DPP10: variants seen among roughly 807,000 people sequenced by gnomAD.
DPP10 encodes inactive dipeptidyl peptidase 10.
A neutral mutation model predicts 120.9 loss-of-function variants in DPP10; 33 were observed. The ratio of observed to expected loss-of-function variants is 0.27; its 90% CI spans 0.21 to 0.37. The LOEUF is 0.37. Ranked by LOEUF, DPP10 falls within the 10% of genes least tolerant of loss-of-function variation. The pLI, the probability that DPP10 is intolerant of heterozygous loss-of-function variation, is 1.00. For synonymous variants in DPP10, 337 were observed against 326.1 expected (o/e 1.03, Z -0.36); for missense variants, 816 against 942.8 (o/e 0.87, Z 1.76).
chr2:115,784,422 G>A (rs1336617467), intron 17 of DPP10, among the ~76,000 whole-genome samples: 1 of 152,054 alleles, frequency 6.6e-6, no homozygotes. Context: ...AGAAACTACT[G>A]CCATGTAATT....
At chr2:114,852,905 C>G (rs1026801025) in intron 1 of DPP10, among the ~76,000 whole-genome samples, 66 of 152,180 alleles carry the variant, frequency 4.3e-4, no homozygotes, top group African/African-American at 1.6e-3. Flanking sequence ...CTTCATACTA[C>G]TTCCAAGAAG....
chr2:114,937,404 G>A (rs927746352), intron 1 of DPP10, among the ~76,000 whole-genome samples: 9 of 152,036 alleles, frequency 5.9e-5, no homozygotes, highest in East Asian at 5.8e-4. Flanking sequence ...GTAAGTATTC[G>A]GCTTTATTTC....
At chr2:115,381,843 G>T (rs188614510) in intron 3 of DPP10, among the ~76,000 whole-genome samples, 18 of 150,106 alleles carry the variant, frequency 1.2e-4, no homozygotes, top group African/African-American at 2.0e-4. Context: ...CTGCTGGGGG[G>T]TGCCTCCCAG....
At chr2:115,835,119 G>C (rs987804078) in intron 21 of DPP10, among the ~76,000 whole-genome samples, 7 of 150,652 alleles carry the variant, frequency 4.6e-5, no homozygotes, top group East Asian at 3.9e-4. Context: ...CTGGACCACA[G>C]AGCAAGACTC....
At chr2:115,056,290 G>A (rs1363500375) in intron 1 of DPP10, among the ~76,000 whole-genome samples, 1 of 152,152 alleles carries the variant, frequency 6.6e-6, no homozygotes, top group African/African-American at 2.4e-5. Flanking sequence ...TAGACCCAGA[G>A]TCATTGAGGT....
chr2:115,164,336 A>G (rs181147098), intron 1 of DPP10, among the ~76,000 whole-genome samples: 5 of 152,144 alleles, frequency 3.3e-5, no homozygotes. Flanking sequence ...TTTATTAGCC[A>G]TATTAGTCAT....
intron 1 of DPP10, among the ~76,000 whole-genome samples, chr2:114,971,322 T>C (rs1325965888): frequency 6.6e-6 from 1 of 152,192 alleles, no homozygotes; most frequent in Non-Finnish European, 1.5e-5. Flanking sequence ...GATTTACCTC[T>C]TGTCTTGGCA....
chr2:114,982,567 C>A (rs1226647234), intron 1 of DPP10, among the ~76,000 whole-genome samples: 3 of 151,532 alleles, frequency 2.0e-5, no homozygotes, highest in African/African-American at 7.3e-5. Context: ...TGAAAAAAAT[C>A]AAAATTATTT....
chr2:115,636,992 G>T (rs537213044), intron 5 of DPP10, among the ~76,000 whole-genome samples: 1 of 152,270 alleles, frequency 6.6e-6, no homozygotes, highest in African/African-American at 2.4e-5. Flanking sequence ...TGTAACTTCA[G>T]TGAGCTGAAA....
intron 1 of DPP10, among the ~76,000 whole-genome samples, chr2:114,885,405 C>T (rs1275647586): frequency 6.6e-6 from 1 of 152,156 alleles, no homozygotes; most frequent in Non-Finnish European, 1.5e-5. Context: ...CACCAGGTCC[C>T]CCCTTCAGTA....
chr2:115,347,044 C>T lies in DPP10; in HGVS notation c.271+3132C>T, dbSNP rs142853827. ...CCTCACCCATCATAAAGGTCACAGCCAACACTGCTGTAACAAAAGACCAGT... is the reference window on the plus strand; with the variant it reads ...CCTCACCCATCATAAAGGTCACAGCTAACACTGCTGTAACAAAAGACCAGT... On this transcript the variant is annotated intron_variant, in intron 3 of 25. Transcript: ENST00000410059. Among the ~76,000 whole-genome samples the T allele has an allele frequency of 4.0e-4, 61 of 152,124 alleles. 3 individuals are homozygous for T. The East Asian group carries it at 9.5e-3, about 24-fold the overall frequency.
intron 7 of DPP10, among the ~76,000 whole-genome samples, chr2:115,698,648 T>A (rs2091723040): frequency 6.6e-6 from 1 of 152,198 alleles, no homozygotes. Flanking sequence ...AAAAGTCATG[T>A]GAGGGCAAAG....
chr2:115,177,762 T>TTTTTGTTTGTTTG (rs1553508443), intron 1 of DPP10, among the ~76,000 whole-genome samples: 1 of 150,726 alleles, frequency 6.6e-6, no homozygotes. Context: ...TTGTTTTTGT[T>TTTTTGTTTGTTTG]TTTGTTTGTT....
At chr2:115,377,989 T>C (rs2065950290) in intron 3 of DPP10, among the ~76,000 whole-genome samples, 1 of 151,926 alleles carries the variant, frequency 6.6e-6, no homozygotes, top group African/African-American at 2.4e-5. Flanking sequence ...GGTAGTGTGA[T>C]GCCTCCAGCT....
intron 1 of DPP10, among the ~76,000 whole-genome samples, chr2:114,642,676 G>A (rs1268082176): frequency 2.0e-5 from 3 of 151,484 alleles, no homozygotes; most frequent in Admixed American, 2.0e-4. Flanking sequence ...GCACAGTGAT[G>A]AAGTGAAAGC....
intron 11 of DPP10, among the ~76,000 whole-genome samples, chr2:115,759,709 A>G (rs1302477366): frequency 2.2e-4 from 2 of 8,962 alleles, no homozygotes; most frequent in Non-Finnish European, 0.014. Context: ...ATATACATTC[A>G]TATATAAAAA....
At chr2:115,469,638 C>T (rs2074554779) in intron 3 of DPP10, among the ~76,000 whole-genome samples, 1 of 152,164 alleles carries the variant, frequency 6.6e-6, no homozygotes, top group Non-Finnish European at 1.5e-5. Flanking sequence ...GTGGGTCACA[C>T]CTGTAATCCG....
intron 5 of DPP10, among the ~76,000 whole-genome samples, chr2:115,552,928 C>G (rs191487404): frequency 6.6e-6 from 1 of 152,010 alleles, no homozygotes; most frequent in Non-Finnish European, 1.5e-5. Context: ...AAAAGTTACA[C>G]TTTAAATTCC....
At chr2:114,678,220 T>C (rs1698794659) in intron 1 of DPP10, among the ~76,000 whole-genome samples, 1 of 152,098 alleles carries the variant, frequency 6.6e-6, no homozygotes. Context: ...TTCTAATTGA[T>C]GATAAAACCA....
Sources: gnomAD v4.1 joint callset for allele counts (sites outside exome capture counted in the v4.1 genomes callset) on GRCh38, gnomAD v4.1.1 for gene constraint, MANE v1.5 for transcripts, NCBI Gene and HGNC (gene_info 2026-07-23, HGNC 2026-07-21) for gene names.